Variants in NAV2 observed in about 807,000 individuals in gnomAD.
NAV2 encodes neuron navigator 2.
Under a neutral mutation model 223.2 loss-of-function variants are expected in NAV2, and 54 were observed. The observed-to-expected ratio is 0.24, with a 90% CI of 0.19 to 0.30. The LOEUF (loss-of-function observed/expected upper bound fraction) is 0.30. NAV2 is among the 10% of genes least tolerant of loss of function. NAV2 has a pLI of 1.00. For missense variants in NAV2, 2,806 were observed against 3,147.5 expected (o/e 0.89, Z 2.60); for synonymous variants, 1,279 against 1,239.3 (o/e 1.03, Z -0.67).
intron 1 of NAV2, among the ~76,000 whole-genome samples, chr11:19,627,949 G>A (rs2035205669): frequency 6.7e-6 from 1 of 149,494 alleles, no homozygotes; most frequent in Admixed American, 6.7e-5. Flanking sequence ...AAGAAGAAGA[G>A]ATAATGATAA....
At position 19,949,053 on chromosome 11, in the gene NAV2, A is replaced by C; in HGVS notation, c.2618A>C (p.Asn873Thr). 6.2e-7 allele frequency: 1 copy of C among 1,611,044 alleles called. No homozygotes were observed. The highest frequency in any genetic ancestry group is 8.5e-7 in the Non-Finnish European group (1 of 1,177,932). ...AGCGACGGGGATGTTCTGAGCAAGA[A>C]CATCCGGACCGATGACATTACAAGC... ...YMSDGDVLSK[N>T]IRTDDITSGY... Residue 873 changes from asparagine to threonine, a missense_variant, in exon 10 of 38, where the codon AAC becomes ACC. Physicochemically the swap from Asn to Thr is moderately conservative, Grantham distance 65. Transcript: ENST00000349880.
intron 1 of NAV2, among the ~76,000 whole-genome samples, chr11:19,705,681 TA>T (rs539116096): frequency 1.2e-3 from 187 of 149,632 alleles, no homozygotes; most frequent in African/African-American, 3.5e-3. Context: ...CTTATCTCTT[TA>T]AAAAAAAAAT....
chr11:19,375,542 C>A (rs531507272), intron 1 of NAV2, among the ~76,000 whole-genome samples: 1 of 152,218 alleles, frequency 6.6e-6, no homozygotes, highest in African/African-American at 2.4e-5. Flanking sequence ...CCCAGCCTCT[C>A]CTTCCTATTA....
chr11:19,366,251 C>G (rs1305300354), intron 1 of NAV2, among the ~76,000 whole-genome samples: 2 of 152,136 alleles, frequency 1.3e-5, no homozygotes, highest in Non-Finnish European at 2.9e-5. Context: ...TCCTAAGAGC[C>G]CCATGCTAGC....
At chr11:19,608,092 A>T (rs2046529799) in intron 1 of NAV2, among the ~76,000 whole-genome samples, 1 of 152,242 alleles carries the variant, frequency 6.6e-6, no homozygotes, top group African/African-American at 2.4e-5. Flanking sequence ...AATAGCAGGC[A>T]GTTTTCAAAT....
chr11:20,023,699 G>GGTGGGTGTGT (rs1554902315), intron 11 of NAV2, among the ~76,000 whole-genome samples: 10 of 144,680 alleles, frequency 6.9e-5, no homozygotes, highest in African/African-American at 1.3e-4. Flanking sequence ...CAAATTGCTG[G>GGTGGGTGTGT]GTGTGTGTGT....
intron 10 of NAV2, among the ~76,000 whole-genome samples, chr11:19,970,720 A>G (rs1195418523): frequency 2.0e-5 from 3 of 152,230 alleles, no homozygotes; most frequent in South Asian, 2.1e-4. Flanking sequence ...ATCATAAAAG[A>G]CAGAAAAAGG....
chr11:19,624,217 G>T (rs2047094811), intron 1 of NAV2, among the ~76,000 whole-genome samples: 1 of 152,168 alleles, frequency 6.6e-6, no homozygotes, highest in Non-Finnish European at 1.5e-5. Flanking sequence ...CGGGGGTCAG[G>T]GGCCCACTGA....
chr11:20,017,977 T>C (rs1030620280), intron 11 of NAV2, among the ~76,000 whole-genome samples: 3 of 152,156 alleles, frequency 2.0e-5, no homozygotes, highest in African/African-American at 7.2e-5. Flanking sequence ...TTTCTCTCTT[T>C]GTTCTGTTAC....
rs1166506632 is a variant in NAV2 at position 19,728,444 on chromosome 11, G to T, written c.267+14482G>T. The stretch of plus-strand genomic sequence containing the variant: ...AGGAGATTCTGATGCACACCCTGGG[G>T]TGAGATCTGAATTTGAGACTAGCCC... On this transcript the variant is annotated intron_variant, in intron 1 of 37. Transcript: ENST00000349880. Among the ~76,000 whole-genome samples the T allele has an allele frequency of 2.6e-5, 4 of 152,348 alleles. No homozygotes were observed. In the South Asian group the frequency reaches 6.2e-4, roughly 24 times the overall value.
chr11:20,055,691 G>A, intron 18 of NAV2, 78 bp from the exon 19 acceptor site: 1 of 1,322,310 alleles, frequency 7.6e-7, no homozygotes, highest in Non-Finnish European at 1.1e-6. Context: ...AAAATAAGCA[G>A]TCTTCTCTTT....
chr11:19,481,878 C>A (rs2042292246), intron 1 of NAV2, among the ~76,000 whole-genome samples: 1 of 152,196 alleles, frequency 6.6e-6, no homozygotes, highest in Non-Finnish European at 1.5e-5. Context: ...GAATCTATCC[C>A]TTACTGAACG....
intron 5 of NAV2, among the ~76,000 whole-genome samples, chr11:19,883,480 A>G (rs985259146): frequency 2.0e-5 from 3 of 152,230 alleles, no homozygotes; most frequent in Non-Finnish European, 4.4e-5. Flanking sequence ...TTTTTCCTCC[A>G]TCTGTGTCTA....
intron 1 of NAV2, among the ~76,000 whole-genome samples, chr11:19,737,018 G>A (rs2052380606): frequency 6.6e-6 from 1 of 152,250 alleles, no homozygotes; most frequent in South Asian, 2.1e-4. Context: ...CCAGCCAGGA[G>A]GGGCAGTCCT....
At chr11:19,616,138 A>T (rs1212001498) in intron 1 of NAV2, among the ~76,000 whole-genome samples, 1 of 152,008 alleles carries the variant, frequency 6.6e-6, no homozygotes, top group African/African-American at 2.4e-5. Flanking sequence ...TTTTTCCAAA[A>T]TAGAGCCCCG....
At chr11:19,929,539 C>A (rs1266499038) in intron 6 of NAV2, among the ~76,000 whole-genome samples, 2 of 152,160 alleles carry the variant, frequency 1.3e-5, no homozygotes, top group Non-Finnish European at 2.9e-5. Context: ...TACCCAGGTG[C>A]TACCTTTTAT....
intron 1 of NAV2, among the ~76,000 whole-genome samples, chr11:19,405,378 C>T (rs1849852512): frequency 6.6e-6 from 1 of 152,214 alleles, no homozygotes; most frequent in South Asian, 2.1e-4. Flanking sequence ...TCCTTTCCCA[C>T]CTGGGTCTCT....
intron 1 of NAV2, among the ~76,000 whole-genome samples, chr11:19,487,614 G>A (rs1333966012): frequency 1.3e-5 from 2 of 152,176 alleles, no homozygotes; most frequent in Non-Finnish European, 2.9e-5. Flanking sequence ...ATAGGTCCAT[G>A]TGGCAAGAAC....
At chr11:19,400,210 G>A (rs1022851443) in intron 1 of NAV2, among the ~76,000 whole-genome samples, 12 of 152,150 alleles carry the variant, frequency 7.9e-5, no homozygotes, top group Non-Finnish European at 1.5e-4. Context: ...AATTCAGTAA[G>A]AGCTTTGGAA....
Sources: gnomAD v4.1 joint callset for allele counts (sites outside exome capture counted in the v4.1 genomes callset) on GRCh38, gnomAD v4.1.1 for gene constraint, MANE v1.5 for transcripts, NCBI Gene and HGNC (gene_info 2026-07-23, HGNC 2026-07-21) for gene names.